ELP4: variants seen among roughly 807,000 people sequenced by gnomAD.
ELP4 encodes elongator acetyltransferase complex subunit 4, also known as elongator complex protein 4.
In ELP4, 51 loss-of-function variants were observed where a neutral mutation model predicts 48.9. The ratio of observed to expected loss-of-function variants is 1.04; its 90% CI spans 0.83 to 1.32. The LOEUF is 1.32. ELP4 is among the 40% of genes most tolerant of loss of function. ELP4 has a pLI of 0.00. For missense variants in ELP4, 519 were observed against 514.6 expected (o/e 1.01, Z -0.08); for synonymous variants, 210 against 189.2 (o/e 1.11, Z -0.90).
intron 9 of ELP4, among the ~76,000 whole-genome samples, chr11:31,665,240 A>C (rs538657393): frequency 8.5e-5 from 13 of 152,296 alleles, no homozygotes; most frequent in African/African-American, 3.1e-4. Flanking sequence ...ACATAGCTAC[A>C]GACCATCCCT....
intron 9 of ELP4, among the ~76,000 whole-genome samples, chr11:31,771,006 T>C (rs1237819994): frequency 6.6e-6 from 1 of 152,164 alleles, no homozygotes; most frequent in East Asian, 1.9e-4. Context: ...GATTGAAAGA[T>C]GGTGGTATAT....
chr11:31,663,857 A>G (rs1021511770), intron 9 of ELP4: 1 of 152,078 alleles, frequency 6.6e-6, no homozygotes, highest in Admixed American at 6.5e-5. Flanking sequence ...ACATGAGCAC[A>G]TTTTTACTTA....
intron 5 of ELP4, among the ~76,000 whole-genome samples, chr11:31,623,070 A>G (rs889059947): frequency 6.6e-6 from 1 of 151,108 alleles, no homozygotes; most frequent in Non-Finnish European, 1.5e-5. Flanking sequence ...AATTCAGGCA[A>G]AATAGTATAC....
intron 3 of ELP4, among the ~76,000 whole-genome samples, chr11:31,592,958 A>G (rs769566141): frequency 1.3e-5 from 2 of 152,114 alleles, no homozygotes; most frequent in Non-Finnish European, 2.9e-5. Flanking sequence ...TTATTTTTCA[A>G]ATGTTTTTAT....
At chr11:31,641,491 AC>A (rs1303298665) in intron 7 of ELP4, among the ~76,000 whole-genome samples, 2 of 151,926 alleles carry the variant, frequency 1.3e-5, no homozygotes, top group Non-Finnish European at 2.9e-5. Context: ...TCCTGGTGAA[AC>A]ATTGGATCTT....
At chr11:31,576,474 T>C (rs1355362169) in intron 3 of ELP4, among the ~76,000 whole-genome samples, 1 of 152,146 alleles carries the variant, frequency 6.6e-6, no homozygotes, top group Non-Finnish European at 1.5e-5. Context: ...CCACCCCAAA[T>C]CAACAGAATA....
At chr11:31,729,685 T>A (rs1281389101) in intron 9 of ELP4, among the ~76,000 whole-genome samples, 1 of 152,216 alleles carries the variant, frequency 6.6e-6, no homozygotes, top group Non-Finnish European at 1.5e-5. Context: ...GATTGCCATC[T>A]TTATACACCC....
chr11:31,565,814 T>C (rs1230295147), intron 3 of ELP4, among the ~76,000 whole-genome samples: 2 of 152,190 alleles, frequency 1.3e-5, no homozygotes, highest in African/African-American at 2.4e-5. Context: ...GCATGATGCC[T>C]GCAGCTTTGT....
At chr11:31,686,915 T>G (rs1187729403) in intron 9 of ELP4, among the ~76,000 whole-genome samples, 2 of 144,390 alleles carry the variant, frequency 1.4e-5, no homozygotes, top group Admixed American at 6.9e-5. Flanking sequence ...GAGATTGGAG[T>G]GGGGGTGGGG....
At chr11:31,548,814 C>A (rs1956783503) in intron 3 of ELP4, among the ~76,000 whole-genome samples, 1 of 152,136 alleles carries the variant, frequency 6.6e-6, no homozygotes, top group Non-Finnish European at 1.5e-5. Flanking sequence ...CAGAACAGAG[C>A]CCTCAGAAAA....
intron 3 of ELP4, among the ~76,000 whole-genome samples, chr11:31,585,783 G>A (rs1957462075): frequency 6.6e-6 from 1 of 152,210 alleles, no homozygotes; most frequent in South Asian, 2.1e-4. Context: ...ACTGAAGTTA[G>A]AGAAGAGATT....
At chr11:31,623,386 T>TAA (rs1327669989) in intron 5 of ELP4, among the ~76,000 whole-genome samples, 16,525 of 75,088 alleles carry the variant, frequency 0.22, 1,940 homozygotes, top group South Asian at 0.32. Flanking sequence ...TATATATATA[T>TAA]ATATAAAACT....
At chr11:31,530,389 CAAAGAATGGCT>C (rs1170776613) in intron 2 of ELP4, among the ~76,000 whole-genome samples, 2 of 152,020 alleles carry the variant, frequency 1.3e-5, no homozygotes, top group African/African-American at 4.8e-5. Context: ...TTTACGTACA[CAAAGAATGGCT>C]AAAGAAACAG....
At chr11:31,673,543 G>A (rs1192198834) in intron 9 of ELP4, among the ~76,000 whole-genome samples, 1 of 151,880 alleles carries the variant, frequency 6.6e-6, no homozygotes, top group Non-Finnish European at 1.5e-5. Context: ...TGCCCACACT[G>A]GTCTTGAACT....
Position 31,786,986 on chromosome 11 carries a change from A to AC in ELP4, c.*3466dup, listed in dbSNP as rs942935611. The AC allele has an allele frequency of 4.6e-6, 1 of 218,712 alleles. No individual in the cohort carries two copies. Among genetic ancestry groups the AC allele is most frequent in the African/African-American group, 2.3e-5 (1 of 44,416 alleles). 13.5% of individuals were successfully genotyped at this position (218,712 alleles called of 1,614,324 possible). ...ATGGTGTCAAAACATCCCTGCAGAT[A>AC]CCCCATTGATAAATATATAAATATA... On this transcript the variant is annotated 3_prime_UTR_variant, in exon 10 of 10. Transcript: ENST00000640961.
At chr11:31,625,210 A>G (rs1944714096) in intron 5 of ELP4, among the ~76,000 whole-genome samples, 1 of 151,738 alleles carries the variant, frequency 6.6e-6, no homozygotes, top group African/African-American at 2.4e-5. Context: ...CAACATCACT[A>G]GATGATGGGA....
At chr11:31,675,462 C>T (rs945218309) in intron 9 of ELP4, among the ~76,000 whole-genome samples, 12 of 152,026 alleles carry the variant, frequency 7.9e-5, no homozygotes, top group African/African-American at 2.9e-4. Context: ...CAGGGTTTCT[C>T]CATGTTGAGG....
intron 3 of ELP4, among the ~76,000 whole-genome samples, chr11:31,559,918 A>AC (rs1435636200): frequency 1.3e-5 from 2 of 151,728 alleles, no homozygotes; most frequent in Non-Finnish European, 2.9e-5. Context: ...AAAAAAAAAA[A>AC]AAAGGCAAAT....
chr11:31,757,845 A>G (rs754749926), intron 9 of ELP4, among the ~76,000 whole-genome samples: 2 of 152,290 alleles, frequency 1.3e-5, no homozygotes, highest in South Asian at 4.1e-4. Context: ...GTAATAGTTT[A>G]TTGTATTTCT....
Sources: gnomAD v4.1 joint callset for allele counts (sites outside exome capture counted in the v4.1 genomes callset) on GRCh38, gnomAD v4.1.1 for gene constraint, MANE v1.5 for transcripts, NCBI Gene and HGNC (gene_info 2026-07-23, HGNC 2026-07-21) for gene names.